Variants in ARID4B observed in about 807,000 individuals in gnomAD.
ARID4B encodes the protein AT-rich interactive domain-containing protein 4B.
Under a neutral mutation model 147.5 loss-of-function variants are expected in ARID4B, and 26 were observed. That is an observed-to-expected ratio of 0.18 (90% CI 0.13 to 0.24). The LOEUF is 0.24. ARID4B is among the 10% of genes least tolerant of loss of function. ARID4B has a pLI of 1.00. For synonymous variants in ARID4B, 512 were observed against 507.9 expected (o/e 1.01, Z -0.11); for missense variants, 1,179 against 1,511.5 (o/e 0.78, Z 3.65).
At chr1:235,302,153 GA>G (rs749154889) in intron 2 of ARID4B, among the ~76,000 whole-genome samples, 1,423 of 30,676 alleles carry the variant, frequency 0.046, 13 homozygotes, top group African/African-American at 0.081. Flanking sequence ...TCAAAAAACG[GA>G]AAAAAAAAAA....
At chr1:235,189,675 C>G (rs1664950378) in intron 19 of ARID4B, among the ~76,000 whole-genome samples, 1 of 151,272 alleles carries the variant, frequency 6.6e-6, no homozygotes, top group South Asian at 2.1e-4. Context: ...GGCAGGAGGA[C>G]TGCTTGAGCC....
chr1:235,194,786 TCCAGCCTGGGCAACAAG>T (rs1161295405), intron 18 of ARID4B, among the ~76,000 whole-genome samples: 1 of 151,904 alleles, frequency 6.6e-6, no homozygotes, highest in African/African-American at 2.4e-5. Flanking sequence ...GCCATTGCAC[TCCAGCCTGGGCAACAAG>T]AGTGAAACTC....
intron 2 of ARID4B, among the ~76,000 whole-genome samples, chr1:235,302,016 T>C (rs1008552717): frequency 2.7e-5 from 4 of 150,728 alleles, no homozygotes; most frequent in Admixed American, 2.6e-4. Flanking sequence ...ATATTTTTAG[T>C]GGAAACGGGG....
intron 2 of ARID4B, among the ~76,000 whole-genome samples, chr1:235,281,115 C>T (rs563770037): frequency 0.03 from 4,499 of 152,188 alleles, 221 homozygotes; most frequent in African/African-American, 0.1. Context: ...CAACTCTATA[C>T]AGCATGCTTT....
intron 10 of ARID4B, among the ~76,000 whole-genome samples, chr1:235,230,612 AAAAAC>A (rs1484226931): frequency 3.8e-5 from 5 of 133,294 alleles, no homozygotes; most frequent in Non-Finnish European, 8.1e-5. Context: ...AAAAAAAAAA[AAAAAC>A]CAGAAAAAAA....
chr1:235,168,753 C>A, intron 23 of ARID4B, 101 bp from the exon 24 acceptor site: 1 of 1,257,204 alleles, frequency 8.0e-7, no homozygotes, highest in East Asian at 2.6e-5. Context: ...CTATATTGTC[C>A]AAAATCATTT....
At chr1:235,327,199 C>A (rs1675344738) in intron 1 of ARID4B, 3 of 399,920 alleles carry the variant, frequency 7.5e-6, no homozygotes, top group Non-Finnish European at 1.4e-5. Context: ...CGAGACCCGA[C>A]GGAGTTTCCC....
chr1:235,238,365 T>G (rs150652787), intron 8 of ARID4B, among the ~76,000 whole-genome samples: 1 of 152,266 alleles, frequency 6.6e-6, no homozygotes, highest in African/African-American at 2.4e-5. Context: ...AGAGGAGAAT[T>G]TGGCTAATTA....
In ARID4B at chr1:235,271,852, G is replaced by A. The variant is rs369301506; in HGVS notation, c.7-11100C>T. ...GTAATGCCAGCTACTCACGGGTTGA[G>A]TCACGAGAATCACTTAAACCCAGGA... On this transcript the variant is annotated intron_variant, in intron 2 of 23. Coordinates refer to ENST00000264183, the MANE Select transcript of ARID4B (RefSeq NM_016374.6). Among the ~76,000 whole-genome samples the A allele has an allele frequency of 4.9e-4, 75 of 151,668 alleles. No individual in the cohort carries two copies. The South Asian group carries it at 0.016, about 32-fold the overall frequency.
chr1:235,182,663 C>T lies in ARID4B; in HGVS notation c.2256G>A (p.Glu752=), dbSNP rs759511921. Residue 752 remains glutamate (E), a synonymous_variant, in exon 20 of 24, where the codon GAG becomes GAA. Coordinates refer to ENST00000264183, the MANE Select transcript of ARID4B (RefSeq NM_016374.6). Reference sequence around the variant, plus strand: ...CTAGCAAAGATGAACTGTTCTGTTCCTCCTTTGAAATAAGATCATTTCTGT... The same window carrying T: ...CTAGCAAAGATGAACTGTTCTGTTCTTCCTTTGAAATAAGATCATTTCTGT... ...TNNRNDLISK[E]EQNSSSLLEE... is the part of the protein sequence containing the mutation. The T allele has an allele frequency of 6.2e-7, 1 of 1,613,618 alleles. No homozygotes were observed. Among genetic ancestry groups the T allele is most frequent in the African/African-American group, 1.3e-5 (1 of 74,872 alleles).
At chr1:235,177,456 T>C in intron 21 of ARID4B, among the ~76,000 whole-genome samples, 1 of 152,182 alleles carries the variant, frequency 6.6e-6, no homozygotes, top group East Asian at 1.9e-4. Context: ...TTTGTTTTGT[T>C]TGTTTTTGCA....
At chr1:235,280,548 C>A (rs760174754) in intron 2 of ARID4B, among the ~76,000 whole-genome samples, 4 of 152,288 alleles carry the variant, frequency 2.6e-5, no homozygotes, top group Non-Finnish European at 5.9e-5. Context: ...CTCCTCGCCA[C>A]GCAAACGGCT....
chr1:235,256,616 T>C (rs1424379490), intron 4 of ARID4B, among the ~76,000 whole-genome samples: 1 of 152,252 alleles, frequency 6.6e-6, no homozygotes, highest in East Asian at 1.9e-4. Context: ...TAAAGGCTGA[T>C]GACCCTTAAA....
intron 2 of ARID4B, among the ~76,000 whole-genome samples, chr1:235,280,262 T>G (rs1224533836): frequency 6.6e-6 from 1 of 152,198 alleles, no homozygotes; most frequent in Non-Finnish European, 1.5e-5. Context: ...GTCTTATTCT[T>G]TTTAACATAT....
intron 2 of ARID4B, among the ~76,000 whole-genome samples, chr1:235,307,231 G>A (rs533856711): frequency 6.6e-6 from 1 of 152,270 alleles, no homozygotes; most frequent in African/African-American, 2.4e-5. Flanking sequence ...GTCACTTGAG[G>A]CCAGGAGTTC....
chr1:235,309,975 G>A (rs1244410717), intron 2 of ARID4B, among the ~76,000 whole-genome samples: 2 of 151,990 alleles, frequency 1.3e-5, no homozygotes, highest in Non-Finnish European at 2.9e-5. Context: ...GATGCTTGAA[G>A]GCAGCATGCT....
intron 7 of ARID4B, among the ~76,000 whole-genome samples, chr1:235,242,190 G>A (rs1282041138): frequency 3.3e-5 from 5 of 151,502 alleles, no homozygotes; most frequent in Admixed American, 6.6e-5. Context: ...GGAGGTTGCA[G>A]TGAGCCGATA....
chr1:235,289,504 G>A (rs1446908863), intron 2 of ARID4B, among the ~76,000 whole-genome samples: 1 of 152,028 alleles, frequency 6.6e-6, no homozygotes, highest in Non-Finnish European at 1.5e-5. Flanking sequence ...TAGGTGAGGT[G>A]CTTGAGCCCA....
At chr1:235,322,560 T>C (rs1238003057) in intron 2 of ARID4B, among the ~76,000 whole-genome samples, 1 of 152,196 alleles carries the variant, frequency 6.6e-6, no homozygotes, top group African/African-American at 2.4e-5. Flanking sequence ...CAGAAAACTT[T>C]CCATAGCTCT....
Sources: gnomAD v4.1 joint callset for allele counts (sites outside exome capture counted in the v4.1 genomes callset) on GRCh38, gnomAD v4.1.1 for gene constraint, MANE v1.5 for transcripts, NCBI Gene and HGNC (gene_info 2026-07-23, HGNC 2026-07-21) for gene names.